WDR27: variants seen among roughly 807,000 people sequenced by gnomAD.
WDR27 encodes the protein WD repeat-containing protein 27.
In WDR27, 100 loss-of-function variants were observed where a neutral mutation model predicts 114.4. The observed-to-expected ratio is 0.87, with a 90% CI of 0.74 to 1.03. The LOEUF is 1.03. WDR27 is among the 50% of genes least tolerant of loss of function. WDR27 has a pLI of 0.00. For missense variants in WDR27, 1,129 were observed against 1,092.9 expected, an observed-to-expected ratio of 1.03 and a Z score of -0.47; for synonymous variants, 449 against 423.1, an observed-to-expected ratio of 1.06 and a Z score of -0.75.
At position 169,633,000 on chromosome 6, in the gene WDR27, C is replaced by T; in HGVS notation, c.2170G>A (p.Ala724Thr). ...CGTGAGTGGGCTTCCGCTATCACCG[C>T]TGCACTGCAGCCGGCGTTGAGGTCA... Reference protein sequence around the residue: ...VFDLNAGCSAAVIAEAHSRPV... With the variant: ...VFDLNAGCSATVIAEAHSRPV... Residue 724 changes from alanine (A) to threonine (T), a missense_variant, in exon 21 of 26, where the codon GCG becomes ACG. By Grantham distance (58) the Ala-to-Thr change is moderately conservative. Transcript: ENST00000448612. 1.3e-6 allele frequency: 2 copies of T among 1,599,236 alleles called. No homozygotes were observed. The highest frequency in any genetic ancestry group is 8.6e-7 in the Non-Finnish European group (1 of 1,167,950).
At chr6:169,658,214 C>G (rs894133735) in intron 13 of WDR27, 62 bp downstream of exon 13, 1 of 1,338,444 alleles carries the variant, frequency 7.5e-7, no homozygotes, top group Admixed American at 2.0e-5. Flanking sequence ...ATGCAGCAGC[C>G]CTAACCACAA....
rs1199110824 is a variant in WDR27, at chr6:169,597,877, T to TTCATACACACACAC, written c.2424+4341_2424+4342insGTGTGTGTGTATGA. Among the ~76,000 whole-genome samples the TTCATACACACACAC allele has an allele frequency of 4.5e-4, 64 of 142,286 alleles. No individual in the cohort carries two copies. In the East Asian group the frequency reaches 6.8e-3, roughly 15 times the overall value. The allele number at this position is 142,286 out of a possible 152,430, so 93.3% of individuals were successfully genotyped here. ...GCACAACTTCACCTCTTACCATTCA[T>TTCATACACACACAC]ACACACACACACACACACACACACA... On this transcript the variant is annotated intron_variant, in intron 23 of 25. Coordinates refer to ENST00000448612, the MANE Select transcript of WDR27 (RefSeq NM_182552.5).
At chr6:169,609,404 G>A (rs1420396106) in intron 22 of WDR27, among the ~76,000 whole-genome samples, 1 of 152,216 alleles carries the variant, frequency 6.6e-6, no homozygotes, top group Admixed American at 6.5e-5. Context: ...TACATCTCCT[G>A]AAATCTAGGC....
chr6:169,450,514 G>T, the WDR27 span, among the ~76,000 whole-genome samples: 3 of 152,188 alleles, frequency 2.0e-5, no homozygotes, highest in African/African-American at 7.2e-5. Flanking sequence ...TGCAGACAGG[G>T]TGTGCCTCTC....
intron 25 of WDR27, among the ~76,000 whole-genome samples, chr6:169,545,638 A>G (rs1325129161): frequency 6.6e-6 from 1 of 152,218 alleles, no homozygotes; most frequent in Non-Finnish European, 1.5e-5. Context: ...AGATTGTGCC[A>G]CTGCGCTCCA....
intron 25 of WDR27, among the ~76,000 whole-genome samples, chr6:169,493,279 A>T (rs1290569351): frequency 1.3e-5 from 2 of 152,112 alleles, no homozygotes; most frequent in Non-Finnish European, 2.9e-5. Flanking sequence ...GGAAGAAGAT[A>T]AATGCAAAAT....
chr6:169,664,569 C>A, intron 7 of WDR27: 1 of 1,294,984 alleles, frequency 7.7e-7, no homozygotes, highest in African/African-American at 1.5e-5. Context: ...CTCTGGGAAC[C>A]CCAGGCCCCA....
intron 25 of WDR27, among the ~76,000 whole-genome samples, chr6:169,531,639 C>T (rs1442981845): frequency 7.0e-6 from 1 of 143,682 alleles, no homozygotes; most frequent in South Asian, 2.3e-4. Flanking sequence ...GAGAATTCTG[C>T]AACATTAAAC....
At chr6:169,556,264 A>G (rs1439412309) in intron 25 of WDR27, among the ~76,000 whole-genome samples, 1 of 152,164 alleles carries the variant, frequency 6.6e-6, no homozygotes. Flanking sequence ...AGGAATTAAA[A>G]TCTGCCAAGT....
chr6:169,428,190 C>T, the WDR27 span, among the ~76,000 whole-genome samples: 1 of 152,170 alleles, frequency 6.6e-6, no homozygotes, highest in Admixed American at 6.5e-5. Context: ...CCCAGCCTTT[C>T]CCACATGCAT....
intron 25 of WDR27, among the ~76,000 whole-genome samples, chr6:169,527,651 TAATAGA>T (rs1249281478): frequency 6.6e-6 from 1 of 152,144 alleles, no homozygotes; most frequent in African/African-American, 2.4e-5. Flanking sequence ...TAAAAATATC[TAATAGA>T]AATATACAAT....
chr6:169,467,190 C>T (rs975044285), intron 25 of WDR27, among the ~76,000 whole-genome samples: 24 of 152,216 alleles, frequency 1.6e-4, no homozygotes, highest in Non-Finnish European at 2.6e-4. Context: ...GGTACAGCCT[C>T]CCACCCAGCT....
At chr6:169,563,657 CATT>C (rs144577644) in intron 25 of WDR27, among the ~76,000 whole-genome samples, 2,463 of 152,270 alleles carry the variant, frequency 0.016, 63 homozygotes, top group African/African-American at 0.057. Context: ...GCTTCAACAT[CATT>C]AAGATATAAG....
At chr6:169,475,871 T>TA (rs1787075543) in intron 25 of WDR27, among the ~76,000 whole-genome samples, 2 of 152,230 alleles carry the variant, frequency 1.3e-5, no homozygotes. Context: ...CTTTATCTTT[T>TA]ATGGACCATT....
intron 25 of WDR27, among the ~76,000 whole-genome samples, chr6:169,529,312 C>CGGGGGGG (rs10718481): frequency 1.7e-5 from 2 of 115,250 alleles, no homozygotes; most frequent in African/African-American, 5.6e-5. Context: ...GTGACCTCTG[C>CGGGGGGG]GGGGGGGGGG....
At chr6:169,621,393 C>T (rs148826888) in intron 21 of WDR27, among the ~76,000 whole-genome samples, 5 of 150,722 alleles carry the variant, frequency 3.3e-5, no homozygotes, top group East Asian at 3.9e-4. Flanking sequence ...TACGCACACA[C>T]ATGCACACAT....
At chr6:169,682,045 T>C (rs1050815520) in intron 2 of WDR27, among the ~76,000 whole-genome samples, 2 of 152,014 alleles carry the variant, frequency 1.3e-5, no homozygotes, top group African/African-American at 4.8e-5. Flanking sequence ...CATGCAACCC[T>C]CTGAATCAAT....
the WDR27 span, among the ~76,000 whole-genome samples, chr6:169,428,608 A>AGGGGGGGGTGGGGGGGGGGGGGG: frequency 1.7e-5 from 2 of 114,470 alleles, no homozygotes; most frequent in South Asian, 3.2e-4. Flanking sequence ...GGCGGGGGGG[A>AGGGGGGGGTGGGGGGGGGGGGGG]GGGGGGGGTT....
At position 169,480,078 on chromosome 6, in the gene WDR27, C is replaced by T. The variant is rs563857641; in HGVS notation, c.2646-22444G>A. Among the ~76,000 whole-genome samples, 182 of 152,272 alleles carry T rather than the reference C, an allele frequency of 1.2e-3. No homozygotes were observed. The Middle Eastern group carries it at 0.02, about 17-fold the overall frequency. On this transcript the variant is annotated intron_variant, in intron 25 of 25. Transcript: ENST00000448612. The stretch of plus-strand genomic sequence containing the variant: ...GAACCAGGGCTGTGCATGGCGCTCG[C>T]GGGCCAGCGTGAGTTCCAGGTGGAT...
Sources: gnomAD v4.1 joint callset for allele counts (sites outside exome capture counted in the v4.1 genomes callset) on GRCh38, gnomAD v4.1.1 for gene constraint, MANE v1.5 for transcripts, NCBI Gene and HGNC (gene_info 2026-07-23, HGNC 2026-07-21) for gene names.